Variants in LRCH1 observed in about 807,000 individuals in gnomAD.
LRCH1 encodes the protein leucine rich repeats and calponin homology domain containing 1, also known as leucine-rich repeat and calponin homology domain-containing protein 1.
A neutral mutation model predicts 94.9 loss-of-function variants in LRCH1; 23 were observed. The observed-to-expected ratio is 0.24, with a 90% CI of 0.17 to 0.34. LRCH1 has a LOEUF of 0.34. Among genes scored for constraint, LRCH1 ranks in the 10% least tolerant of loss-of-function variants. LRCH1 has a pLI of 1.00. For missense variants in LRCH1, 790 were observed against 945.9 expected, an observed-to-expected ratio of 0.84 and a Z score of 2.16; for synonymous variants, 364 against 354.9, an observed-to-expected ratio of 1.03 and a Z score of -0.29.
rs1283594017 is a variant in LRCH1 at position 46,553,693 on chromosome 13, G to A, written c.297G>A (p.Thr99=). 4 of 1,609,392 alleles carry A rather than the reference G, an allele frequency of 2.5e-6. No homozygotes were observed. The highest frequency in any genetic ancestry group is 2.2e-5 in the East Asian group (1 of 44,790). Reference sequence around the variant, plus strand: ...CCCCCGGGCACGACCTCTCGGACACGGTGCAGGCAGGTGAGTGAGGGCCGA... The same window carrying A: ...CCCCCGGGCACGACCTCTCGGACACAGTGCAGGCAGGTGAGTGAGGGCCGA... The part of the protein sequence containing the change: ...TAAPGHDLSD[T]VQADLSKNRL... The change falls in exon 1 of 20, where the codon ACG becomes ACA. Residue 99 remains threonine (T), a synonymous_variant. Coordinates refer to ENST00000389797, the MANE Select transcript of LRCH1 (RefSeq NM_001164211.2).
chr13:46,730,976 T>G (rs1394255759), intron 18 of LRCH1, among the ~76,000 whole-genome samples: 1 of 152,144 alleles, frequency 6.6e-6, no homozygotes, highest in African/African-American at 2.4e-5. Context: ...AATAAAAATT[T>G]TAAAATTAAA....
At chr13:46,752,713 G>A (rs1407578049) in exon 19 of LRCH1, 3 of 152,062 alleles carry the variant, frequency 2.0e-5, no homozygotes, top group East Asian at 1.9e-4. Flanking sequence ...ATTTTCTTAC[G>A]TGTATATATG....
At chr13:46,714,740 T>C (rs1165406716) in intron 15 of LRCH1, among the ~76,000 whole-genome samples, 1 of 152,188 alleles carries the variant, frequency 6.6e-6, no homozygotes, top group Non-Finnish European at 1.5e-5. Flanking sequence ...ATATAGATAT[T>C]TCCTAAATAT....
Position 46,744,072 on chromosome 13 carries a change from C to T in LRCH1, c.*2224C>T. 1 of 985,298 alleles carries T rather than the reference C, an allele frequency of 1.0e-6. No individual in the cohort carries two copies. The allele number at this position is 985,298 out of a possible 1,614,324, so 61.0% of individuals were successfully genotyped here. On this transcript the variant is annotated 3_prime_UTR_variant, in exon 20 of 20. Transcript: ENST00000389797. ...AAAAATTTGAATGAACTGTTCTGTC[C>T]ATTGCCAACCCATTAATTTCTAATC...
At chr13:46,633,961 C>A (rs1294672843) in intron 1 of LRCH1, among the ~76,000 whole-genome samples, 1 of 150,344 alleles carries the variant, frequency 6.7e-6, no homozygotes, top group Non-Finnish European at 1.5e-5. Context: ...TTCACTGCAA[C>A]CTCCATCTCC....
At chr13:46,689,697 T>C (rs892415915) in intron 7 of LRCH1, among the ~76,000 whole-genome samples, 2 of 136,622 alleles carry the variant, frequency 1.5e-5, no homozygotes, top group African/African-American at 5.8e-5. Flanking sequence ...TTTGTTTTCC[T>C]CAGACTCTTA....
downstream of LRCH1, among the ~76,000 whole-genome samples, chr13:46,745,285 T>A (rs181081055): frequency 6.6e-6 from 1 of 151,884 alleles, no homozygotes; most frequent in Admixed American, 6.6e-5. Context: ...GATTAGCCTG[T>A]AGGCCATAGT....
chr13:46,635,256 C>G (rs2051069704), intron 1 of LRCH1, among the ~76,000 whole-genome samples: 1 of 152,244 alleles, frequency 6.6e-6, no homozygotes. Flanking sequence ...CTGCTTCATA[C>G]TTTCTCCTGC....
intron 1 of LRCH1, among the ~76,000 whole-genome samples, chr13:46,632,069 G>A (rs2051024426): frequency 6.6e-6 from 1 of 152,074 alleles, no homozygotes; most frequent in Admixed American, 6.5e-5. Context: ...TCCGTATAGT[G>A]GTGCATGCCT....
chr13:46,708,650 T>C (rs572161946), intron 13 of LRCH1, among the ~76,000 whole-genome samples: 2 of 152,368 alleles, frequency 1.3e-5, no homozygotes, highest in East Asian at 1.9e-4. Flanking sequence ...TAGAAATTGC[T>C]ATTGTTATTC....
chr13:46,573,460 A>G (rs1230270823), intron 1 of LRCH1, among the ~76,000 whole-genome samples: 1 of 152,200 alleles, frequency 6.6e-6, no homozygotes, highest in African/African-American at 2.4e-5. Context: ...GACAATAGCC[A>G]AGATTTGAAA....
At chr13:46,716,521 G>A (rs936088926) in intron 16 of LRCH1, among the ~76,000 whole-genome samples, 3 of 152,216 alleles carry the variant, frequency 2.0e-5, no homozygotes, top group East Asian at 1.9e-4. Context: ...GGGAAGAGTA[G>A]TGAGGTACAG....
At chr13:46,691,979 C>A (rs1014946534) in intron 7 of LRCH1, among the ~76,000 whole-genome samples, 2 of 152,122 alleles carry the variant, frequency 1.3e-5, no homozygotes, top group Non-Finnish European at 2.9e-5. Context: ...TGAGCCACCA[C>A]GCCTGGCTGA....
intron 13 of LRCH1, among the ~76,000 whole-genome samples, chr13:46,711,483 C>G (rs936784914): frequency 3.9e-5 from 6 of 152,198 alleles, no homozygotes; most frequent in Admixed American, 1.3e-4. Context: ...AACCAGCAGG[C>G]AGCTTGGTCA....
Position 46,744,541 on chromosome 13 carries a change from G to A in LRCH1, c.*2693G>A, listed in dbSNP as rs767235664. On this transcript the variant is annotated 3_prime_UTR_variant, in exon 20 of 20. Coordinates refer to ENST00000389797, the MANE Select transcript of LRCH1 (RefSeq NM_001164211.2). ...AATGGGGCTGGTGGAAAGGGGCCCCGCAGAACTACAATGTATGATAATCGA... is the reference window on the plus strand; with the variant it reads ...AATGGGGCTGGTGGAAAGGGGCCCCACAGAACTACAATGTATGATAATCGA... 5.4e-5 allele frequency: 53 copies of A among 985,222 alleles called. No individual in the cohort carries two copies. Among genetic ancestry groups the A allele is most frequent in the African/African-American group, 1.6e-4 (9 of 57,200 alleles). The allele number at this position is 985,222 out of a possible 1,614,324, so 61.0% of individuals were successfully genotyped here. A position where few individuals can be genotyped will look rare whatever the true frequency, so the allele number is the denominator to read the frequency against.
rs770295505 is a variant in LRCH1 at position 46,705,236 on chromosome 13, G to A, written c.1491-32G>A. On this transcript the variant is annotated intron_variant, in intron 12 of 19. Transcript: ENST00000389797. ...ATTTCTATGCTTTAAATTTCACTTT[G>A]TATCTTTTTTTTTCTTTCCTTGTTC... 1.4e-5 allele frequency: 22 copies of A among 1,519,952 alleles called. No individual in the cohort carries two copies. In the Admixed American group the frequency reaches 1.6e-4, roughly 11 times the overall value. 94.2% of individuals were successfully genotyped at this position (1,519,952 alleles called of 1,614,324 possible). A position where few individuals can be genotyped will look rare whatever the true frequency, so the allele number is the denominator to read the frequency against.
intron 3 of LRCH1, among the ~76,000 whole-genome samples, chr13:46,677,513 C>T (rs904039999): frequency 3.9e-5 from 6 of 152,302 alleles, no homozygotes; most frequent in Admixed American, 1.3e-4. Flanking sequence ...TTAATAATCC[C>T]TGAATTTATT....
intron 16 of LRCH1, among the ~76,000 whole-genome samples, chr13:46,718,748 G>T (rs552656465): frequency 6.6e-6 from 1 of 152,330 alleles, no homozygotes; most frequent in East Asian, 1.9e-4. Context: ...TCAAAGCCAA[G>T]ATACTGCTGC....
intron 18 of LRCH1, among the ~76,000 whole-genome samples, chr13:46,730,839 A>G (rs1489386383): frequency 1.3e-5 from 2 of 152,232 alleles, no homozygotes; most frequent in African/African-American, 4.8e-5. Context: ...TTCAATTTCA[A>G]TGTACAATGA....
Sources: gnomAD v4.1 joint callset for allele counts (sites outside exome capture counted in the v4.1 genomes callset) on GRCh38, gnomAD v4.1.1 for gene constraint, MANE v1.5 for transcripts, NCBI Gene and HGNC (gene_info 2026-07-23, HGNC 2026-07-21) for gene names.